The following CEP57 variants were observed in gnomAD, a reference collection of about 807,000 sequenced individuals.
CEP57 encodes the protein centrosomal protein 57, also known as centrosomal protein of 57 kDa.
Under a neutral mutation model 68.0 loss-of-function variants are expected in CEP57, and 40 were observed. The ratio of observed to expected loss-of-function variants is 0.59; its 90% CI spans 0.46 to 0.77. The LOEUF (loss-of-function observed/expected upper bound fraction) is 0.77. Ranked by LOEUF, CEP57 falls within the 30% of genes least tolerant of loss-of-function variation. The pLI, the probability that CEP57 is intolerant of heterozygous loss-of-function variation, is 0.00. For synonymous variants in CEP57, 219 were observed against 198.7 expected (o/e 1.10, Z -0.86); for missense variants, 606 against 580.7 (o/e 1.04, Z -0.45).
chr11:95,804,611 T>G (rs1315219745), intron 2 of CEP57, among the ~76,000 whole-genome samples: 1 of 152,144 alleles, frequency 6.6e-6, no homozygotes, highest in Admixed American at 6.6e-5. Context: ...ATAAAAAAAG[T>G]CACCTCTGAT....
At chr11:95,790,431 C>T (rs1051210992), upstream of CEP57, 15 of 566,098 alleles carry the variant, frequency 2.6e-5, no homozygotes, top group African/African-American at 2.4e-4. Context: ...GGCGGATTCT[C>T]TCCTACTACA....
At chr11:95,799,453 G>C in intron 2 of CEP57, 65 bp downstream of exon 2, 1 of 1,591,888 alleles carries the variant, frequency 6.3e-7, no homozygotes, top group Non-Finnish European at 8.6e-7. Flanking sequence ...TCTTAACTTT[G>C]TCCTCCATTA....
intron 1 of CEP57, among the ~76,000 whole-genome samples, chr11:95,799,019 TTTC>T (rs1414848294): frequency 1.3e-5 from 2 of 152,222 alleles, no homozygotes; most frequent in South Asian, 2.1e-4. Context: ...TGAACATTAT[TTTC>T]TTCTTGTGTC....
chr11:95,822,306 T>TC (rs1565329731), intron 7 of CEP57, 193 bp from the exon 8 acceptor site: 3 of 598,996 alleles, frequency 5.0e-6, no homozygotes, highest in African/African-American at 1.9e-5. Flanking sequence ...AGTGCTTTTT[T>TC]CCCCCCAGCC....
intron 8 of CEP57, chr11:95,826,788 A>T (rs1478390294): frequency 1.3e-5 from 2 of 152,254 alleles, no homozygotes; most frequent in African/African-American, 4.8e-5. Flanking sequence ...ATTACAAGTT[A>T]CGAGCAAAAT....
intron 10 of CEP57, among the ~76,000 whole-genome samples, chr11:95,829,609 G>T (rs549146921): frequency 6.6e-6 from 1 of 152,196 alleles, no homozygotes; most frequent in East Asian, 1.9e-4. Context: ...ATTTAAATTG[G>T]AGTTTATCCA....
rs142471363 is a variant in CEP57, at chr11:95,828,860, G to T, written c.1128-327G>T. Among the ~76,000 whole-genome samples the T allele has an allele frequency of 8.0e-3, 1,214 of 151,964 alleles. 7 individuals carry two copies. Among genetic ancestry groups the T allele is most frequent in the African/African-American group, 0.028 (1,140 of 41,416 alleles). ...GGCATATCACATCCTGGCTAACAGG[G>T]TGAAAACCTGTCTGTACTAAAAATA... is the stretch of plus-strand genomic sequence containing the variant. On this transcript the variant is annotated intron_variant, in intron 9 of 10. Transcript: ENST00000325542.
intron 5 of CEP57, 157 bp downstream of exon 5, chr11:95,818,060 T>C (rs1257172461): frequency 3.2e-6 from 2 of 624,410 alleles, no homozygotes; most frequent in South Asian, 1.9e-5. Context: ...TTGGAGAGAA[T>C]GTTCACATTT....
intron 2 of CEP57, among the ~76,000 whole-genome samples, chr11:95,802,496 G>A (rs1227263439): frequency 5.3e-5 from 8 of 152,030 alleles, no homozygotes; most frequent in East Asian, 3.9e-4. Flanking sequence ...CTCGTGATCC[G>A]CCCACCTCAG....
At chr11:95,830,891 A>C in intron 10 of CEP57, 135 bp from the exon 11 acceptor site, 1 of 596,548 alleles carries the variant, frequency 1.7e-6, no homozygotes, top group South Asian at 1.9e-5. Context: ...TCTTTAAAAG[A>C]AAGCCTAGAA....
intron 2 of CEP57, among the ~76,000 whole-genome samples, chr11:95,799,930 C>G (rs1048463723): frequency 6.6e-5 from 10 of 152,202 alleles, no homozygotes; most frequent in African/African-American, 2.2e-4. Context: ...TATGCCTCAC[C>G]AGCTTCATCC....
At chr11:95,793,978 GACC>G (rs1213052510) in intron 1 of CEP57, among the ~76,000 whole-genome samples, 1 of 152,152 alleles carries the variant, frequency 6.6e-6, no homozygotes, top group Non-Finnish European at 1.5e-5. Context: ...CTTCTGTAAT[GACC>G]ACGTTTGTGG....
At chr11:95,803,859 G>A (rs1175269180) in intron 2 of CEP57, among the ~76,000 whole-genome samples, 1 of 152,014 alleles carries the variant, frequency 6.6e-6, no homozygotes, top group Non-Finnish European at 1.5e-5. Context: ...GCATTATCTG[G>A]GTTTCAGCGT....
rs534278616 is a variant in CEP57 at position 95,804,603 on chromosome 11, A to T, written c.202+5215A>T. Among the ~76,000 whole-genome samples, 7 of 152,258 alleles carry T rather than the reference A, an allele frequency of 4.6e-5. No individual in the cohort carries two copies. The South Asian group carries it at 8.3e-4, about 18-fold the overall frequency. ...CCGTGGTCTCAGGAAGAGACTGGAT[A>T]AAAAAAGTCACCTCTGATAAGTCAA... On this transcript the variant is annotated intron_variant, in intron 2 of 10. Coordinates refer to ENST00000325542, the MANE Select transcript of CEP57 (RefSeq NM_014679.5).
At chr11:95,816,164 G>A (rs578084083) in intron 4 of CEP57, among the ~76,000 whole-genome samples, 8 of 152,260 alleles carry the variant, frequency 5.3e-5, no homozygotes, top group Non-Finnish European at 1.2e-4. Flanking sequence ...CACTTATGGT[G>A]GAAGGGGAAG....
At chr11:95,794,557 C>G (rs1202973071) in intron 1 of CEP57, among the ~76,000 whole-genome samples, 2 of 151,796 alleles carry the variant, frequency 1.3e-5, no homozygotes, top group Non-Finnish European at 2.9e-5. Context: ...CTGTTTTTTT[C>G]AAACCTTTAC....
chr11:95,793,382 A>G (rs1591041001), intron 1 of CEP57, among the ~76,000 whole-genome samples: 1 of 135,566 alleles, frequency 7.4e-6, no homozygotes, highest in Non-Finnish European at 1.6e-5. Context: ...TTGGTGATTA[A>G]TGACCTAATC....
chr11:95,793,839 A>G (rs1039271705), intron 1 of CEP57, among the ~76,000 whole-genome samples: 1 of 152,188 alleles, frequency 6.6e-6, no homozygotes, highest in Non-Finnish European at 1.5e-5. Context: ...TGTTTGCCAG[A>G]TATTAGAAAC....
chr11:95,792,826 G>A (rs574773755), intron 1 of CEP57, among the ~76,000 whole-genome samples: 88 of 152,068 alleles, frequency 5.8e-4, no homozygotes, highest in African/African-American at 2.1e-3. Context: ...AAAACGTCCT[G>A]CTTAGATGTC....
Sources: gnomAD v4.1 joint callset for allele counts (sites outside exome capture counted in the v4.1 genomes callset) on GRCh38, gnomAD v4.1.1 for gene constraint, MANE v1.5 for transcripts, NCBI Gene and HGNC (gene_info 2026-07-23, HGNC 2026-07-21) for gene names.